Variants in PROSER1 observed in about 807,000 individuals in gnomAD.
The protein encoded by PROSER1 is proline and serine rich 1, also known as proline and serine-rich protein 1.
In PROSER1, 36 loss-of-function variants were observed where a neutral mutation model predicts 71.8. That is an observed-to-expected ratio of 0.50 (90% confidence interval 0.38 to 0.66). PROSER1 has a LOEUF of 0.66. PROSER1 is among the 30% of genes least tolerant of loss of function. The probability of loss-of-function intolerance (pLI) is 0.00; values close to 1 mark genes in which losing one functional copy is unlikely to be tolerated. For missense variants in PROSER1, 1,107 were observed against 1,135.0 expected (o/e 0.98, Z 0.35); for synonymous variants, 490 against 452.4 (o/e 1.08, Z -1.06).
Position 39,014,489 on chromosome 13 carries a change from G to C in PROSER1, c.776-13C>G, listed in dbSNP as rs749574555. On this transcript the variant is annotated splice_polypyrimidine_tract_variant and intron_variant, in intron 10 of 12. Coordinates refer to ENST00000352251, the MANE Select transcript of PROSER1 (RefSeq NM_025138.5). ...GGGGTGGAAAATGCTATATGGAAGG[G>C]GGAAAAAAGGCAAGAATGTATCATC... The C allele has an allele frequency of 6.4e-7, 1 of 1,556,820 alleles. No individual in the cohort carries two copies. Among genetic ancestry groups the C allele is most frequent in the East Asian group, 2.3e-5 (1 of 44,094 alleles).
At chr13:39,015,803 A>G (rs888958560) in intron 10 of PROSER1, among the ~76,000 whole-genome samples, 13 of 152,354 alleles carry the variant, frequency 8.5e-5, no homozygotes, top group Non-Finnish European at 1.2e-4. Context: ...TTTGGTTTCA[A>G]TAAGACTAGC....
At chr13:39,019,268 G>A (rs1417785254) in intron 9 of PROSER1, among the ~76,000 whole-genome samples, 1 of 151,350 alleles carries the variant, frequency 6.6e-6, no homozygotes, top group Non-Finnish European at 1.5e-5. Context: ...TTGGGAGGCC[G>A]AGGTAGGCAG....
chr13:39,013,219 G>C lies in PROSER1; in HGVS notation c.2033C>G (p.Ser678Cys), dbSNP rs1432743000. Residue 678 changes from serine to cysteine, a missense_variant, in exon 11 of 13, where the codon TCT becomes TGT. Transcript: ENST00000352251. ...GGAACCATGTGGTGGAAGGGAAATA[G>C]AGGAAAGAGGATTTGAACCATTTAA... Reference protein sequence around the residue: ...TPLNGSNPLSSISLPPHGSST... With the variant: ...TPLNGSNPLSCISLPPHGSST... 5.6e-6 allele frequency: 9 copies of C among 1,614,038 alleles called. No individual in the cohort carries two copies. The highest frequency in any genetic ancestry group is 6.8e-6 in the Non-Finnish European group (8 of 1,180,038).
intron 2 of PROSER1, 93 bp downstream of exon 2, chr13:39,034,038 G>A (rs754872881): frequency 2.3e-6 from 2 of 882,196 alleles, no homozygotes; most frequent in Non-Finnish European, 3.3e-6. Flanking sequence ...CAGCAAAAAG[G>A]TAAAACCAAT....
rs748743846 is a variant in PROSER1 at position 39,023,046 on chromosome 13, C to T, written c.643+6G>A. On this transcript the variant is annotated splice_donor_region_variant and intron_variant, in intron 8 of 12. Coordinates refer to ENST00000352251, the MANE Select transcript of PROSER1 (RefSeq NM_025138.5). Reference sequence around the variant, plus strand: ...AAAACAAGTAAAAAATAAGGGAACTCCTTACTTGGTGCAATAGTTGCATGT... The same window carrying T: ...AAAACAAGTAAAAAATAAGGGAACTTCTTACTTGGTGCAATAGTTGCATGT... The T allele has an allele frequency of 1.9e-6, 3 of 1,605,066 alleles. No individual in the cohort carries two copies. In the South Asian group the frequency reaches 3.3e-5, roughly 18 times the overall value.
At position 39,014,507 on chromosome 13, in the gene PROSER1, G is replaced by A. The variant is rs553885642; in HGVS notation, c.776-31C>T. The A allele has an allele frequency of 6.7e-6, 10 of 1,493,186 alleles. No homozygotes were observed. The South Asian group carries it at 1.2e-4, about 19-fold the overall frequency. The allele number at this position is 1,493,186 out of a possible 1,614,324, so 92.5% of individuals were successfully genotyped here. A position where few individuals can be genotyped will look rare whatever the true frequency, so the allele number is the denominator to read the frequency against. On this transcript the variant is annotated intron_variant, in intron 10 of 12. Transcript: ENST00000352251. ...TGGAAGGGGGAAAAAAGGCAAGAATGTATCATCATGCTGAAACGTCAAATT... is the reference window on the plus strand; with the variant it reads ...TGGAAGGGGGAAAAAAGGCAAGAATATATCATCATGCTGAAACGTCAAATT...
chr13:39,026,726 C>A (rs531092763), intron 5 of PROSER1, among the ~76,000 whole-genome samples: 1 of 152,172 alleles, frequency 6.6e-6, no homozygotes, highest in South Asian at 2.1e-4. Context: ...TCTACAAATG[C>A]CAAGGTCATG....
rs1566027937 is a variant in PROSER1, at chr13:39,029,317, C to T, written c.239G>A (p.Ser80Asn). The change falls in exon 4 of 13, where the codon AGT becomes AAT. Residue 80 changes from serine to asparagine, a missense_variant. Ser to Asn is a conservative substitution (Grantham distance 46). Transcript: ENST00000352251. ...TTCAAGAGCAACTAGTTTGTCTTTACTGAAAGTGAAACAGTTGAGTATATT... is the reference window on the plus strand; with the variant it reads ...TTCAAGAGCAACTAGTTTGTCTTTATTGAAAGTGAAACAGTTGAGTATATT... Reference protein sequence around the residue: ...VVNILNCFTFSKDKLVALELL... With the variant: ...VVNILNCFTFNKDKLVALELL... 4 of 1,484,498 alleles carry T rather than the reference C, an allele frequency of 2.7e-6. No individual in the cohort carries two copies. The highest frequency in any genetic ancestry group is 2.7e-5 in the South Asian group (2 of 73,156). 92.0% of individuals were successfully genotyped at this position (1,484,498 alleles called of 1,614,324 possible).
rs533950247 is a variant in PROSER1 at position 39,009,891 on chromosome 13, T to C, written c.*1474A>G. On this transcript the variant is annotated 3_prime_UTR_variant, in exon 13 of 13. Transcript: ENST00000352251. ...AATCTTAAAAGAAGTTTTATGGGTA[T>C]AGATTTAAGAAAAACAAATGGCAAC... The C allele has an allele frequency of 2.1e-4, 32 of 152,742 alleles. No homozygotes were observed. Among genetic ancestry groups the C allele is most frequent in the Admixed American group, 7.2e-4 (11 of 15,292 alleles). The allele number at this position is 152,742 out of a possible 1,614,324, so 9.5% of individuals were successfully genotyped here. A position where few individuals can be genotyped will look rare whatever the true frequency, so the allele number is the denominator to read the frequency against.
Position 39,023,055 on chromosome 13 carries a change from G to C in PROSER1, c.640C>G (p.Pro214Ala). ...PPCRPHATIA[P>A]SAYNNAGLVP... ...AAAAAATAAGGGAACTCCTTACTTG[G>C]TGCAATAGTTGCATGTGGTCGGCAT... is the stretch of plus-strand genomic sequence containing the variant. The change falls in exon 8 of 13, where the codon CCA (proline) becomes GCA (alanine). Residue 214 changes from proline to alanine, a missense_variant. Transcript: ENST00000352251. The C allele has an allele frequency of 6.2e-7, 1 of 1,609,606 alleles. No homozygotes were observed. Among genetic ancestry groups the C allele is most frequent in the Non-Finnish European group, 8.5e-7 (1 of 1,176,226 alleles).
rs1870346539 is a variant in PROSER1 at position 39,022,560 on chromosome 13, G to C, written c.644-148C>G. ...TTAATACAGTTGATTTTATATGGAG[G>C]TTTATGTCTAGAGTTAAGTGAAAAC... On this transcript the variant is annotated intron_variant, in intron 8 of 12. Transcript: ENST00000352251. The C allele has an allele frequency of 5.3e-6, 3 of 571,010 alleles. No individual in the cohort carries two copies. In the East Asian group the frequency reaches 8.6e-5, roughly 16 times the overall value. 35.4% of individuals were successfully genotyped at this position (571,010 alleles called of 1,614,324 possible).
rs1240912353 is a variant in PROSER1, at chr13:39,014,167, A to G, written c.1085T>C (p.Phe362Ser). ...STTTTPVPSI[F>S]SGLVSLPGPS... ...ACCTGGCAGTGACACTAGGCCAGAA[A>G]AAATGGAAGGAACAGGAGTGGTGGT... Residue 362 changes from phenylalanine to serine, a missense_variant, in exon 11 of 13, where the codon TTT becomes TCT. Transcript: ENST00000352251. 1.2e-6 allele frequency: 2 copies of G among 1,614,090 alleles called. No homozygotes were observed. Among genetic ancestry groups the G allele is most frequent in the Middle Eastern group, 1.6e-4 (1 of 6,084 alleles).
chr13:39,024,545 CA>C lies in PROSER1; in HGVS notation c.491del (p.Leu164Ter). 7.0e-7 allele frequency: 1 copy of C among 1,421,974 alleles called. No homozygotes were observed. Among genetic ancestry groups the C allele is most frequent in the Non-Finnish European group, 9.7e-7 (1 of 1,032,468 alleles). 88.1% of individuals were successfully genotyped at this position (1,421,974 alleles called of 1,614,324 possible). A position where few individuals can be genotyped will look rare whatever the true frequency, so the allele number is the denominator to read the frequency against. ...RINGIFPGTP[L>X]KKDGEECTNE... ...TAGTACATTCTTCACCATCTTTTTT[CA>C]AAGGAGTTCCCTATTAAAAAAAAAA... On this transcript the variant is annotated frameshift_variant, in exon 7 of 13. Coordinates refer to ENST00000352251, the MANE Select transcript of PROSER1 (RefSeq NM_025138.5). LOFTEE classifies it high-confidence loss of function.
chr13:39,031,951 C>A, intron 2 of PROSER1, among the ~76,000 whole-genome samples: 1 of 152,052 alleles, frequency 6.6e-6, no homozygotes, highest in Non-Finnish European at 1.5e-5. Context: ...AAAAGTTCTA[C>A]TAGACAGCAC....
At chr13:39,023,644 G>A (rs1870407370) in intron 7 of PROSER1, 1 of 152,722 alleles carries the variant, frequency 6.5e-6, no homozygotes, top group Non-Finnish European at 1.5e-5. Context: ...GTAGAACATA[G>A]ACTGGAATCA....
intron 8 of PROSER1, chr13:39,022,625 T>G (rs899443598): frequency 3.9e-6 from 2 of 506,564 alleles, no homozygotes; most frequent in Non-Finnish European, 7.0e-6. Flanking sequence ...TATTTCCCAC[T>G]GCATGCTCAT....
intron 2 of PROSER1, among the ~76,000 whole-genome samples, chr13:39,032,870 GA>G (rs935209947): frequency 7.4e-5 from 11 of 149,158 alleles, no homozygotes; most frequent in Admixed American, 6.6e-4. Flanking sequence ...ATACACCCAA[GA>G]AAAAAAATGC....
At chr13:39,016,947 AGATC>A (rs1228065151) in intron 10 of PROSER1, among the ~76,000 whole-genome samples, 1 of 152,236 alleles carries the variant, frequency 6.6e-6, no homozygotes, top group Non-Finnish European at 1.5e-5. Flanking sequence ...CTGACCACAC[AGATC>A]ATCACCTAGG....
intron 9 of PROSER1, 139 bp downstream of exon 9, chr13:39,022,187 C>G (rs932980697): frequency 1.1e-5 from 7 of 646,480 alleles, no homozygotes; most frequent in African/African-American, 1.8e-5. Flanking sequence ...CCCACATTAC[C>G]AAGGATTCAC....
Sources: allele counts gnomAD v4.1 joint callset (sites outside exome capture counted in the v4.1 genomes callset), GRCh38; gene constraint gnomAD v4.1.1; transcripts MANE v1.5; gene names NCBI Gene and HGNC (gene_info 2026-07-23, HGNC 2026-07-21).